Variants in SIGLEC1 observed in about 807,000 individuals in gnomAD.
SIGLEC1 encodes the protein sialoadhesin.
A neutral mutation model predicts 148.0 loss-of-function variants in SIGLEC1; 132 were observed. The ratio of observed to expected loss-of-function variants is 0.89; its 90% confidence interval spans 0.77 to 1.03. SIGLEC1 has a LOEUF of 1.03. Among genes scored for constraint, SIGLEC1 ranks in the 50% least tolerant of loss-of-function variants. The probability of loss-of-function intolerance (pLI) is 0.00; values close to 1 mark genes in which losing one functional copy is unlikely to be tolerated. For synonymous variants in SIGLEC1, 945 were observed against 969.0 expected, an observed-to-expected ratio of 0.98 and a Z score of 0.46; for missense variants, 2,253 against 2,271.4, an observed-to-expected ratio of 0.99 and a Z score of 0.16.
At chr20:3,688,986 G>A in intron 21 of SIGLEC1, 169 bp downstream of exon 21, 1 of 668,326 alleles carries the variant, frequency 1.5e-6, no homozygotes, top group Non-Finnish European at 2.7e-6. Context: ...TCTGCCCCGA[G>A]CAGAACAGGG....
At chr20:3,711,941 G>T (rs1268512312) in intron 1 of SIGLEC1, among the ~76,000 whole-genome samples, 1 of 150,520 alleles carries the variant, frequency 6.6e-6, no homozygotes, top group Non-Finnish European at 1.5e-5. Context: ...TGATGATCAG[G>T]TTGGAATTCT....
In SIGLEC1 at chr20:3,689,592, A is replaced by G. The variant is rs1441118586; in HGVS notation, c.4997+8T>C. On this transcript the variant is annotated splice_region_variant and intron_variant, in intron 20 of 21. Coordinates refer to ENST00000344754, the MANE Select transcript of SIGLEC1 (RefSeq NM_023068.4). ...AATCTTCTGGCCCACTCCCAGCTCC[A>G]GACCCACCTCCAGGTGTAGCAGGCC... 2 of 1,561,660 alleles carry G rather than the reference A, an allele frequency of 1.3e-6. No homozygotes were observed. The highest frequency in any genetic ancestry group is 2.7e-5 in the African/African-American group (2 of 73,906).
chr20:3,688,681 C>T (rs1055540157), intron 21 of SIGLEC1, 62 bp from the exon 22 acceptor site: 2 of 1,363,060 alleles, frequency 1.5e-6, no homozygotes, highest in Non-Finnish European at 1.0e-6. Context: ...GCCCCCAGGC[C>T]CCCAGCCTCA....
In SIGLEC1 at chr20:3,712,529, G is replaced by T. The variant is rs1431905276; in HGVS notation, c.-169C>A. 6.6e-6 allele frequency among the ~76,000 whole-genome samples: 1 copy of T among 152,132 alleles called. No homozygotes were observed. Among genetic ancestry groups the T allele is most frequent in the Non-Finnish European group, 1.5e-5 (1 of 68,022 alleles). ...GGACCTGCGGAGAGGAGAACAGGAA[G>T]GACGGCCAAGAGCTCCTGGTGCAGC... On this transcript the variant is annotated 5_prime_UTR_variant, in exon 1 of 22. Coordinates refer to ENST00000344754, the MANE Select transcript of SIGLEC1 (RefSeq NM_023068.4).
Position 3,703,849 on chromosome 20 carries a change from G to A in SIGLEC1, c.949C>T (p.Pro317Ser), listed in dbSNP as rs200479364. The change falls in exon 5 of 22, where the codon CCC (proline) becomes TCC (serine). Residue 317 changes from proline (P) to serine (S), a missense_variant. Transcript: ENST00000344754. Reference protein sequence around the residue: ...AENGVGSLVSPPISLHIFMAE... With the variant: ...AENGVGSLVSSPISLHIFMAE... Reference sequence around the variant, plus strand: ...CTGAAGATGTGGAGGCTGATGGGGGGTGAGACCAAAGAGCCCACGCCGTTC... The same window carrying A: ...CTGAAGATGTGGAGGCTGATGGGGGATGAGACCAAAGAGCCCACGCCGTTC... 112 of 1,613,914 alleles carry A rather than the reference G, an allele frequency of 6.9e-5. No homozygotes were observed. Among genetic ancestry groups the A allele is most frequent in the Non-Finnish European group, 8.2e-5 (97 of 1,180,022 alleles).
intron 16 of SIGLEC1, 103 bp downstream of exon 16, chr20:3,692,418 A>G (rs962641730): frequency 1.5e-6 from 2 of 1,366,338 alleles, no homozygotes; most frequent in Non-Finnish European, 1.9e-6. Flanking sequence ...CCAACTGCCC[A>G]TTCCTGGGCC....
In SIGLEC1 at chr20:3,692,888, T is replaced by C. The variant is rs142582117; in HGVS notation, c.3752A>G (p.Asn1251Ser). 3,103 of 1,611,420 alleles carry C rather than the reference T, an allele frequency of 1.9e-3. 13 individuals are homozygous for C. Among genetic ancestry groups the C allele is most frequent in the Admixed American group, 7.4e-3 (443 of 59,986 alleles). ...CSARSPLGQA[N>S]TSLELRLEGV... ...CTCCAGCCGCAGCTCCAGGGACGTGTTGGCCTGGCCCAGAGGGCTGCGGGC... is the reference window on the plus strand; with the variant it reads ...CTCCAGCCGCAGCTCCAGGGACGTGCTGGCCTGGCCCAGAGGGCTGCGGGC... Residue 1251 changes from asparagine (N) to serine (S), a missense_variant, in exon 15 of 22, where the codon AAC (asparagine) becomes AGC (serine). Transcript: ENST00000344754.
chr20:3,711,406 C>G (rs892225215), intron 1 of SIGLEC1, among the ~76,000 whole-genome samples: 1 of 152,146 alleles, frequency 6.6e-6, no homozygotes, highest in Non-Finnish European at 1.5e-5. Context: ...CCCCAAGTCC[C>G]TGACCTCTGA....
In SIGLEC1 at chr20:3,696,601, A is replaced by G. The variant is rs1413065315; in HGVS notation, c.2668T>C (p.Phe890Leu). 10 of 1,609,820 alleles carry G rather than the reference A, an allele frequency of 6.2e-6. No individual in the cohort carries two copies. The highest frequency in any genetic ancestry group is 8.5e-6 in the Non-Finnish European group (10 of 1,177,184). ...NVLGSSNTSL[F>L]FQVRGAWVQV... ...TGACACTCACCTCGGACCTGGAAGA[A>G]GAGTGAGGTGTTGGATGATCCAAGA... Residue 890 changes from phenylalanine to leucine, a missense_variant, in exon 11 of 22, where the codon TTC becomes CTC. Transcript: ENST00000344754.
chr20:3,690,162 G>A lies in SIGLEC1; in HGVS notation c.4694C>T (p.Thr1565Ile), dbSNP rs549278998. 25 of 1,595,192 alleles carry A rather than the reference G, an allele frequency of 1.6e-5. No individual in the cohort carries two copies. The highest frequency in any genetic ancestry group is 2.7e-5 in the African/African-American group (2 of 74,596). The change falls in exon 19 of 22, where the codon ACT becomes ATT. Residue 1565 changes from threonine (T) to isoleucine (I), a missense_variant. Thr to Ile is a moderately conservative substitution (Grantham distance 89). Transcript: ENST00000344754. ...CACCAGTCGACTGCCAAGGTGGAGA[G>A]TCAGGCTGGCGAGCGGCTCGCTGTC... Reference protein sequence around the residue: ...RVDSEPLASLTLHLGSRLVAS... With the variant: ...RVDSEPLASLILHLGSRLVAS...
At chr20:3,705,686 T>C in intron 4 of SIGLEC1, 58 bp downstream of exon 4, 1 of 1,531,412 alleles carries the variant, frequency 6.5e-7, no homozygotes, top group Non-Finnish European at 8.9e-7. Context: ...GAGGGGCTGG[T>C]TTCTGTCAGG....
At chr20:3,711,148 GC>G (rs919965462) in intron 1 of SIGLEC1, among the ~76,000 whole-genome samples, 9 of 152,364 alleles carry the variant, frequency 5.9e-5, no homozygotes, top group African/African-American at 2.2e-4. Context: ...CAGCTCTGCA[GC>G]CCTGAACCAT....
Position 3,694,428 on chromosome 20 carries a change from G to A in SIGLEC1, c.3049C>T (p.Leu1017=), listed in dbSNP as rs1183631939. The A allele has an allele frequency of 6.2e-7, 1 of 1,611,682 alleles. No homozygotes were observed. Among genetic ancestry groups the A allele is most frequent in the African/African-American group, 1.3e-5 (1 of 74,916 alleles). Reference sequence around the variant, plus strand: ...GCCACAAGGCGATCCCCGTGGAGCAGCCGCAGCTGGGCCGGAGGGTCACTG... The same window carrying A: ...GCCACAAGGCGATCCCCGTGGAGCAACCGCAGCTGGGCCGGAGGGTCACTG... ...VDSDPPAQLR[L]LHGDRLVAST... is the part of the protein sequence containing the mutation. Residue 1017 remains leucine (L), a synonymous_variant, in exon 13 of 22, where the codon CTG becomes TTG. Transcript: ENST00000344754.
chr20:3,696,251 A>T (rs908974212), intron 11 of SIGLEC1, among the ~76,000 whole-genome samples: 1 of 152,208 alleles, frequency 6.6e-6, no homozygotes, highest in African/African-American at 2.4e-5. Flanking sequence ...ATACTCATAC[A>T]TAAACATATA....
rs1437851354 is a variant in SIGLEC1 at position 3,697,325 on chromosome 20, C to T, written c.2140G>A (p.Ala714Thr). Reference protein sequence around the residue: ...FNGQATVLAIAPSHTLQEGTE... With the variant: ...FNGQATVLAITPSHTLQEGTE... ...CCCTCCTGAAGTGTGTGTGATGGTG[C>T]AATGGCCAGGACAGTGGCTGGAGAG... Residue 714 changes from alanine to threonine, a missense_variant, in exon 10 of 22, where the codon GCA (alanine) becomes ACA (threonine). Ala to Thr is a moderately conservative substitution (Grantham distance 58). Coordinates refer to ENST00000344754, the MANE Select transcript of SIGLEC1 (RefSeq NM_023068.4). 6.2e-7 allele frequency: 1 copy of T among 1,613,874 alleles called. No individual in the cohort carries two copies. Among genetic ancestry groups the T allele is most frequent in the Non-Finnish European group, 8.5e-7 (1 of 1,180,032 alleles).
chr20:3,692,190 TC>T lies in SIGLEC1; in HGVS notation c.4042del (p.Asp1348ThrfsTer17). 6.5e-7 allele frequency: 1 copy of T among 1,547,746 alleles called. No individual in the cohort carries two copies. Among genetic ancestry groups the T allele is most frequent in the Non-Finnish European group, 8.7e-7 (1 of 1,146,800 alleles). ...GTCCCGGAAGGAGGACAGGACAGCGTCCTGAGGGGCATCTGTGGGCAGGCAG... is the reference window on the plus strand; with the variant it reads ...GTCCCGGAAGGAGGACAGGACAGCGTCTGAGGGGCATCTGTGGGCAGGCAG... ...AALQVLYAPQ[D>X]AVLSSFRDSR... On this transcript the variant is annotated frameshift_variant, in exon 17 of 22. Coordinates refer to ENST00000344754, the MANE Select transcript of SIGLEC1 (RefSeq NM_023068.4). LOFTEE classifies it high-confidence loss of function.
At position 3,706,345 on chromosome 20, in the gene SIGLEC1, A is replaced by T. The variant is rs538938876; in HGVS notation, c.409+2T>A. ...GGGCAGCCAGGCCACCCCACTTATC[A>T]CCTGTTACTGTGACCAAGGTGCCTT... On this transcript the variant is annotated splice_donor_variant, in intron 3 of 21. Coordinates refer to ENST00000344754, the MANE Select transcript of SIGLEC1 (RefSeq NM_023068.4). LOFTEE classifies it high-confidence loss of function. 8 of 1,602,886 alleles carry T rather than the reference A, an allele frequency of 5.0e-6. No individual in the cohort carries two copies. In the South Asian group the frequency reaches 8.8e-5, roughly 18 times the overall value.
Position 3,690,018 on chromosome 20 carries a change from C to A in SIGLEC1, c.4838G>T (p.Cys1613Phe). The A allele has an allele frequency of 6.2e-7, 1 of 1,613,256 alleles. No individual in the cohort carries two copies. Among genetic ancestry groups the A allele is most frequent in the Admixed American group, 1.7e-5 (1 of 59,968 alleles). ...AGAGCCCAGGACATTTGAGGCAGAACAGATGTATTCCCCTTGGTCGCTGGG... is the reference window on the plus strand; with the variant it reads ...AGAGCCCAGGACATTTGAGGCAGAAAAGATGTATTCCCCTTGGTCGCTGGG... ...LRPSDQGEYI[C>F]SASNVLGSAS... The change falls in exon 19 of 22, where the codon TGT becomes TTT. Residue 1613 changes from cysteine to phenylalanine, a missense_variant. By Grantham distance (205) the Cys-to-Phe change is radical. Coordinates refer to ENST00000344754, the MANE Select transcript of SIGLEC1 (RefSeq NM_023068.4).
chr20:3,702,584 T>C (rs2146528955), intron 6 of SIGLEC1, among the ~76,000 whole-genome samples: 1 of 117,354 alleles, frequency 8.5e-6, no homozygotes, highest in South Asian at 3.4e-4. Flanking sequence ...TGAGACTCCA[T>C]CTCAAAAAAA....
Sources: allele counts gnomAD v4.1 joint callset (sites outside exome capture counted in the v4.1 genomes callset), GRCh38; gene constraint gnomAD v4.1.1; transcripts MANE v1.5; gene names NCBI Gene and HGNC (gene_info 2026-07-23, HGNC 2026-07-21).